Variants in CENPS observed in about 807,000 individuals in gnomAD.
CENPS encodes the protein centromere protein S.
Under a neutral mutation model 17.9 loss-of-function variants are expected in CENPS, and 16 were observed. The ratio of observed to expected loss-of-function variants is 0.90; its 90% confidence interval spans 0.61 to 1.36. The LOEUF (loss-of-function observed/expected upper bound fraction) is 1.36. Among genes scored for constraint, CENPS ranks in the 40% most tolerant of loss-of-function variants. The pLI, the probability that CENPS is intolerant of heterozygous loss-of-function variation, is 0.00. For missense variants in CENPS, 160 were observed against 158.6 expected, an observed-to-expected ratio of 1.01 and a Z score of -0.05; for synonymous variants, 49 against 55.8, an observed-to-expected ratio of 0.88 and a Z score of 0.54.
At chr1:10,441,181 TTTTTTTTTC>T (rs1430140122) in intron 4 of CENPS, among the ~76,000 whole-genome samples, 1 of 151,704 alleles carries the variant, frequency 6.6e-6, no homozygotes, top group African/African-American at 2.4e-5. Context: ...TGCTCACAAC[TTTTTTTTTC>T]TTTTTTTAAA....
chr1:10,435,981 ATTTT>A (rs141993546), intron 3 of CENPS, among the ~76,000 whole-genome samples: 2 of 142,426 alleles, frequency 1.4e-5, no homozygotes, highest in African/African-American at 5.2e-5. Context: ...TAAGAGGTTG[ATTTT>A]TTTTTTTTTT....
chr1:10,430,889 G>A (rs1401047882), intron 1 of CENPS: 1 of 1,286,886 alleles, frequency 7.8e-7, no homozygotes, highest in Non-Finnish European at 9.8e-7. Flanking sequence ...GGGTTTTCGT[G>A]AGGGTACAAC....
chr1:10,438,792 C>T (rs182782331), intron 3 of CENPS, among the ~76,000 whole-genome samples: 3 of 152,208 alleles, frequency 2.0e-5, no homozygotes, highest in East Asian at 3.9e-4. Flanking sequence ...AACGCTTTCT[C>T]GTAAACAGAT....
At position 10,440,387 on chromosome 1, in the gene CENPS, C is replaced by T. The variant is rs985612325; in HGVS notation, c.250C>T (p.Leu84Phe). ...RTTINTEDVK[L>F]LARRSNSLLK... ...CACAATTAACACTGAAGATGTGAAG[C>T]TCTTAGCCAGGAGGAGTAATTCACT... Residue 84 changes from leucine (L) to phenylalanine (F), a missense_variant, in exon 4 of 5, where the codon CTC becomes TTC. Transcript: ENST00000309048. 6.2e-7 allele frequency: 1 copy of T among 1,613,924 alleles called. No individual in the cohort carries two copies. The highest frequency in any genetic ancestry group is 1.3e-5 in the African/African-American group (1 of 74,922).
intron 1 of CENPS, among the ~76,000 whole-genome samples, chr1:10,432,497 A>G (rs1267188213): frequency 6.6e-6 from 1 of 152,124 alleles, no homozygotes; most frequent in East Asian, 1.9e-4. Context: ...TAGCTTGTAG[A>G]CGATTTCCCC....
chr1:10,430,756 G>C (rs1639869272), intron 1 of CENPS, 188 bp downstream of exon 1: 2 of 1,401,296 alleles, frequency 1.4e-6, no homozygotes, highest in African/African-American at 3.1e-5. Context: ...CAACGCGGCT[G>C]GACCCTGGCC....
chr1:10,433,603 T>C (rs1234075173), intron 1 of CENPS, among the ~76,000 whole-genome samples: 1 of 152,238 alleles, frequency 6.6e-6, no homozygotes, highest in Non-Finnish European at 1.5e-5. Context: ...ACTTGCCATC[T>C]AATTTCTTAT....
intron 3 of CENPS, among the ~76,000 whole-genome samples, chr1:10,435,840 C>T (rs1640132252): frequency 6.6e-6 from 1 of 151,936 alleles, no homozygotes; most frequent in Admixed American, 6.6e-5. Context: ...TCCCAAAGTG[C>T]TGGGATTACA....
chr1:10,433,806 G>C (rs753409319), intron 1 of CENPS, 36 bp from the exon 2 acceptor site: 29 of 1,613,256 alleles, frequency 1.8e-5, no homozygotes, highest in Non-Finnish European at 2.4e-5. Flanking sequence ...CTTATTTGCA[G>C]CCTTACCCGT....
At chr1:10,435,371 A>C (rs1208738288) in intron 3 of CENPS, among the ~76,000 whole-genome samples, 1 of 150,524 alleles carries the variant, frequency 6.6e-6, no homozygotes, top group East Asian at 2.0e-4. Context: ...CCTCTCCCAC[A>C]CCCCTTACTT....
chr1:10,432,235 C>G, intron 1 of CENPS, among the ~76,000 whole-genome samples: 1 of 152,124 alleles, frequency 6.6e-6, no homozygotes, highest in Non-Finnish European at 1.5e-5. Context: ...TTACAGGCCC[C>G]TGCCACCACG....
intron 3 of CENPS, among the ~76,000 whole-genome samples, chr1:10,435,545 A>G (rs1156996474): frequency 6.6e-6 from 1 of 151,902 alleles, no homozygotes; most frequent in Non-Finnish European, 1.5e-5. Context: ...ATAAGGTAGT[A>G]GGAAGGGATA....
intron 3 of CENPS, among the ~76,000 whole-genome samples, chr1:10,437,366 TGAG>T (rs1297356921): frequency 6.6e-6 from 1 of 151,714 alleles, no homozygotes; most frequent in African/African-American, 2.4e-5. Context: ...GAAATTTCTA[TGAG>T]AATACACATT....
intron 3 of CENPS, among the ~76,000 whole-genome samples, chr1:10,439,549 G>A (rs1197694290): frequency 6.6e-6 from 1 of 152,052 alleles, no homozygotes; most frequent in Admixed American, 6.6e-5. Context: ...AGACCAGCCT[G>A]GCCAAGATGG....
intron 3 of CENPS, among the ~76,000 whole-genome samples, chr1:10,436,468 G>A (rs1456476529): frequency 4.0e-5 from 6 of 150,712 alleles, no homozygotes; most frequent in Non-Finnish European, 8.9e-5. Context: ...TTGGGAGGCT[G>A]AGGCGGGTGG....
At position 10,442,362 on chromosome 1, in the gene CENPS, C is replaced by G. The variant is rs964091999; in HGVS notation, c.374C>G (p.Ser125Ter). 1 of 1,605,946 alleles carries G rather than the reference C, an allele frequency of 6.2e-7. No homozygotes were observed. Among genetic ancestry groups the G allele is most frequent in the Non-Finnish European group, 8.5e-7 (1 of 1,177,940 alleles). Residue 125 changes from serine to a stop codon, truncating the protein, a stop_gained, in exon 5 of 5, where the codon TCA (serine) becomes TGA (stop). Coordinates refer to ENST00000309048, the MANE Select transcript of CENPS (RefSeq NM_199294.3). LOFTEE classifies it low-confidence loss of function (END_TRUNC). ...AAGTCAGAGGATGGAAGCAAAAATTCAAGGCAGCCAGCAGAGGCTGGAGTG... is the reference window on the plus strand; with the variant it reads ...AAGTCAGAGGATGGAAGCAAAAATTGAAGGCAGCCAGCAGAGGCTGGAGTG... ...KKKSEDGSKN[S>*]RQPAEAGVVE...
At chr1:10,435,668 GA>G (rs139414763) in intron 3 of CENPS, among the ~76,000 whole-genome samples, 7,812 of 142,074 alleles carry the variant, frequency 0.055, 664 homozygotes, top group African/African-American at 0.19. Flanking sequence ...TTAGCTGTGG[GA>G]AAAAAAAATG....
At chr1:10,432,471 G>A (rs1639963979) in intron 1 of CENPS, among the ~76,000 whole-genome samples, 1 of 152,140 alleles carries the variant, frequency 6.6e-6, no homozygotes, top group Non-Finnish European at 1.5e-5. Context: ...TGAGAAATTT[G>A]CCCCTCAGCT....
rs59257602 is a variant in CENPS, at chr1:10,437,758, A to ATTTT, written c.210-2568_210-2565dup. On this transcript the variant is annotated intron_variant, in intron 3 of 4. Coordinates refer to ENST00000309048, the MANE Select transcript of CENPS (RefSeq NM_199294.3). ...TGGCATGAGCCACTGTGCCTGGCCAATTTTTTTTTTTTTTTTTTTTTTTTG... is the reference window on the plus strand; with the variant it reads ...TGGCATGAGCCACTGTGCCTGGCCAATTTTTTTTTTTTTTTTTTTTTTTTTTTTG... 6.8e-4 allele frequency among the ~76,000 whole-genome samples: 84 copies of ATTTT among 123,216 alleles called. 1 individual carries two copies. The highest frequency in any genetic ancestry group is 2.4e-3 in the African/African-American group (77 of 31,750). 80.8% of individuals were successfully genotyped at this position (123,216 alleles called of 152,430 possible).
Sources: gnomAD v4.1 joint callset for allele counts (sites outside exome capture counted in the v4.1 genomes callset) on GRCh38, gnomAD v4.1.1 for gene constraint, MANE v1.5 for transcripts, NCBI Gene and HGNC (gene_info 2026-07-23, HGNC 2026-07-21) for gene names.